The following SLC17A8 variants were observed in gnomAD, a reference collection of about 807,000 sequenced individuals.
SLC17A8 encodes solute carrier family 17 member 8.
Under a neutral mutation model 58.0 loss-of-function variants are expected in SLC17A8, and 31 were observed. That is an observed-to-expected ratio of 0.53 (90% CI 0.40 to 0.72). The LOEUF is 0.72. Among genes scored for constraint, SLC17A8 ranks in the 30% least tolerant of loss-of-function variants. SLC17A8 has a pLI of 0.00. For synonymous variants in SLC17A8, 228 were observed against 249.0 expected (o/e 0.92, Z 0.79); for missense variants, 655 against 727.8 (o/e 0.90, Z 1.15).
In SLC17A8 at chr12:100,391,092, T is replaced by C. The variant is rs1226329606; in HGVS notation, c.446T>C (p.Phe149Ser). Residue 149 changes from phenylalanine to serine, a missense_variant, in exon 3 of 12, where the codon TTC becomes TCC. Physicochemically the swap from Phe to Ser is radical, Grantham distance 155 (BLOSUM62 -2). Coordinates refer to ENST00000323346, the MANE Select transcript of SLC17A8 (RefSeq NM_139319.3). The stretch of plus-strand genomic sequence containing the variant: ...ATTATGACACAAATTCCAGGTGGTT[T>C]CATTTCAAACAAGTTTGCTGCTAAC... ...GYIMTQIPGGFISNKFAANRV... is the reference protein window; with the variant it reads ...GYIMTQIPGGSISNKFAANRV... The C allele has an allele frequency of 1.2e-6, 2 of 1,613,140 alleles. No homozygotes were observed. The highest frequency in any genetic ancestry group is 2.2e-5 in the South Asian group (2 of 91,054).
At chr12:100,366,050 C>CTTT (rs67071341) in intron 1 of SLC17A8, among the ~76,000 whole-genome samples, 272 of 90,290 alleles carry the variant, frequency 3.0e-3, no homozygotes, top group Non-Finnish European at 4.7e-3. Flanking sequence ...GTGATCCCTT[C>CTTT]TTTTTTTTTT....
At chr12:100,397,968 A>G (rs1952764649) in intron 5 of SLC17A8, among the ~76,000 whole-genome samples, 3 of 151,878 alleles carry the variant, frequency 2.0e-5, no homozygotes, top group Admixed American at 6.6e-5. Context: ...ACCTTAGACC[A>G]CAAAAGTCAC....
At chr12:100,397,809 G>C (rs2136001105) in intron 5 of SLC17A8, among the ~76,000 whole-genome samples, 1 of 152,144 alleles carries the variant, frequency 6.6e-6, no homozygotes, top group Non-Finnish European at 1.5e-5. Context: ...TGGGTGCGGT[G>C]GCTCATGTCT....
intron 2 of SLC17A8, among the ~76,000 whole-genome samples, chr12:100,389,309 A>G (rs1052854903): frequency 1.3e-5 from 2 of 152,172 alleles, no homozygotes; most frequent in Non-Finnish European, 2.9e-5. Context: ...AAAATCTCTA[A>G]GCAGAGAGAT....
intron 9 of SLC17A8, among the ~76,000 whole-genome samples, chr12:100,407,655 G>T (rs1464285342): frequency 6.6e-6 from 1 of 151,936 alleles, no homozygotes; most frequent in Non-Finnish European, 1.5e-5. Context: ...ACCCAGGCTG[G>T]AGTGCAGTGG....
chr12:100,409,294 TC>T (rs1952850080), intron 9 of SLC17A8, among the ~76,000 whole-genome samples: 1 of 152,106 alleles, frequency 6.6e-6, no homozygotes, highest in African/African-American at 2.4e-5. Context: ...CAAGTGATTC[TC>T]CCGCCTCAGC....
intron 1 of SLC17A8, among the ~76,000 whole-genome samples, chr12:100,372,894 T>C (rs1188815886): frequency 6.6e-6 from 1 of 152,186 alleles, no homozygotes; most frequent in African/African-American, 2.4e-5. Context: ...TACGTAAAAT[T>C]ATCTGCAAGT....
intron 5 of SLC17A8, among the ~76,000 whole-genome samples, chr12:100,400,998 C>CGTTTTT (rs1555326949): frequency 8.8e-6 from 1 of 113,072 alleles, no homozygotes; most frequent in Non-Finnish European, 1.8e-5. Context: ...CACCCCTCAC[C>CGTTTTT]TTTTTTTTTT....
chr12:100,362,305 C>T (rs540977489), intron 1 of SLC17A8, among the ~76,000 whole-genome samples: 30 of 152,282 alleles, frequency 2.0e-4, no homozygotes, highest in African/African-American at 7.2e-4. Flanking sequence ...CACCTCATCA[C>T]GGGAGCAGGA....
intron 9 of SLC17A8, among the ~76,000 whole-genome samples, chr12:100,404,649 A>G (rs1311101875): frequency 6.6e-6 from 1 of 152,158 alleles, no homozygotes; most frequent in Admixed American, 6.5e-5. Context: ...GAACCCCTAC[A>G]ATGTTCATGA....
chr12:100,394,560 C>G (rs1246766294), intron 4 of SLC17A8, among the ~76,000 whole-genome samples: 1 of 150,722 alleles, frequency 6.6e-6, no homozygotes, highest in Non-Finnish European at 1.5e-5. Context: ...AGTTACCACA[C>G]CCGGCTAATT....
intron 10 of SLC17A8, among the ~76,000 whole-genome samples, chr12:100,415,263 C>T (rs543813502): frequency 6.6e-5 from 10 of 151,958 alleles, no homozygotes; most frequent in Admixed American, 2.6e-4. Context: ...ATCAGGAGTT[C>T]GAGACCAACC....
intron 3 of SLC17A8, among the ~76,000 whole-genome samples, chr12:100,392,167 T>A (rs1399372743): frequency 6.6e-6 from 1 of 152,186 alleles, no homozygotes; most frequent in African/African-American, 2.4e-5. Flanking sequence ...ATAAATGGAT[T>A]TCATGAAGTG....
intron 2 of SLC17A8, among the ~76,000 whole-genome samples, chr12:100,389,138 T>C (rs1952696009): frequency 1.3e-5 from 2 of 152,214 alleles, no homozygotes. Flanking sequence ...GGAAAGAATA[T>C]GAGGAAAGGG....
In SLC17A8 at chr12:100,420,100, G is replaced by T; in HGVS notation, c.1711G>T (p.Asp571Tyr). Residue 571 changes from aspartate (D) to tyrosine (Y), a missense_variant, in exon 12 of 12, where the codon GAT (aspartate) becomes TAT (tyrosine). Asp to Tyr is a radical substitution (Grantham distance 160). Transcript: ENST00000323346. ...EWKGQRGATL[D>Y]EEELTSYQNE... Reference sequence around the variant, plus strand: ...GAAAGGACAGAGAGGAGCGACCCTTGATGAGGAAGAGCTGACATCCTACCA... The same window carrying T: ...GAAAGGACAGAGAGGAGCGACCCTTTATGAGGAAGAGCTGACATCCTACCA... 6.2e-7 allele frequency: 1 copy of T among 1,614,042 alleles called. No homozygotes were observed. Among genetic ancestry groups the T allele is most frequent in the Non-Finnish European group, 8.5e-7 (1 of 1,179,982 alleles).
intron 9 of SLC17A8, among the ~76,000 whole-genome samples, chr12:100,407,699 A>G (rs1952836656): frequency 6.6e-6 from 1 of 151,946 alleles, no homozygotes; most frequent in Non-Finnish European, 1.5e-5. Context: ...TCCGCCTCCC[A>G]GGTTCACACC....
At chr12:100,384,252 G>T (rs1489262508) in intron 2 of SLC17A8, among the ~76,000 whole-genome samples, 1 of 152,090 alleles carries the variant, frequency 6.6e-6, no homozygotes, top group Non-Finnish European at 1.5e-5. Context: ...TTGTGTCCTG[G>T]TCAGAGATTG....
intron 1 of SLC17A8, among the ~76,000 whole-genome samples, chr12:100,378,909 A>G (rs1356984515): frequency 6.6e-6 from 1 of 152,234 alleles, no homozygotes; most frequent in Non-Finnish European, 1.5e-5. Context: ...TTTGATTTCA[A>G]TAAAACCCAC....
intron 8 of SLC17A8, among the ~76,000 whole-genome samples, chr12:100,403,517 T>A (rs1395767909): frequency 2.0e-5 from 3 of 151,836 alleles, no homozygotes; most frequent in Non-Finnish European, 4.4e-5. Flanking sequence ...AGAAAGAACC[T>A]CTTTCAATGC....
Sources: allele counts gnomAD v4.1 joint callset (sites outside exome capture counted in the v4.1 genomes callset), GRCh38; gene constraint gnomAD v4.1.1; transcripts MANE v1.5; gene names NCBI Gene and HGNC (gene_info 2026-07-23, HGNC 2026-07-21).